Variants in SAMD13 observed in about 807,000 individuals in gnomAD.
SAMD13 encodes sterile alpha motif domain containing 13.
SAMD13 carries 9 observed loss-of-function variants against 12.4 expected under a neutral mutation model. The observed-to-expected ratio is 0.72, with a 90% CI of 0.44 to 1.26. The LOEUF (loss-of-function observed/expected upper bound fraction) is 1.26, where lower values mean the gene tolerates loss of function less well. Among genes scored for constraint, SAMD13 ranks in the 50% most tolerant of loss-of-function variants. The pLI is 0.00. For missense variants in SAMD13, 84 were observed against 119.6 expected (o/e 0.70, Z 1.39); for synonymous variants, 46 against 45.4 (o/e 1.01, Z -0.05).
At chr1:84,299,705 G>A (rs1678406074), upstream of SAMD13, 3 of 847,376 alleles carry the variant, frequency 3.5e-6, no homozygotes, top group Non-Finnish European at 4.6e-6. Context: ...ATATTCACAA[G>A]TGTCAGTTTA....
intron 3 of SAMD13, among the ~76,000 whole-genome samples, chr1:84,346,741 T>C (rs375533689): frequency 1.3e-5 from 2 of 152,338 alleles, no homozygotes; most frequent in African/African-American, 4.8e-5. Flanking sequence ...GGACGTTATG[T>C]ATCAAATTAT....
chr1:84,341,454 C>A (rs1308119303), intron 3 of SAMD13, among the ~76,000 whole-genome samples: 2 of 152,104 alleles, frequency 1.3e-5, no homozygotes, highest in African/African-American at 2.4e-5. Flanking sequence ...TGGTACACTG[C>A]AAATGTGATG....
chr1:84,348,438 G>A (rs1679579305), intron 3 of SAMD13, among the ~76,000 whole-genome samples: 1 of 152,190 alleles, frequency 6.6e-6, no homozygotes, highest in Admixed American at 6.5e-5. Context: ...CTGTCGGTCA[G>A]TGGAGGAGGT....
At chr1:84,346,318 C>T (rs2101822397) in intron 3 of SAMD13, among the ~76,000 whole-genome samples, 1 of 152,268 alleles carries the variant, frequency 6.6e-6, no homozygotes, top group Admixed American at 6.5e-5. Context: ...CATCTCGGAA[C>T]TTTACTTCCA....
At chr1:84,344,645 C>T in intron 3 of SAMD13, 1 of 304,406 alleles carries the variant, frequency 3.3e-6, no homozygotes, top group Non-Finnish European at 6.4e-6. Flanking sequence ...AAAATAAACC[C>T]TGTCTTGGTG....
chr1:84,338,872 C>T (rs114806605), intron 3 of SAMD13, among the ~76,000 whole-genome samples: 6 of 152,166 alleles, frequency 3.9e-5, no homozygotes, highest in Non-Finnish European at 8.8e-5. Flanking sequence ...GAATTCAAGA[C>T]GAGATCTGGG....
upstream of SAMD13, among the ~76,000 whole-genome samples, chr1:84,298,826 G>A (rs904397482): frequency 2.6e-5 from 4 of 152,176 alleles, no homozygotes; most frequent in Admixed American, 2.6e-4. Flanking sequence ...TGCTCGGGGA[G>A]CGGGACGGGG....
intron 3 of SAMD13, among the ~76,000 whole-genome samples, chr1:84,332,157 C>T (rs1283801241): frequency 6.6e-6 from 1 of 152,092 alleles, no homozygotes; most frequent in Non-Finnish European, 1.5e-5. Flanking sequence ...AGGTTGATTT[C>T]ATATCTTTCC....
intron 2 of SAMD13, among the ~76,000 whole-genome samples, chr1:84,313,343 T>A (rs1678756433): frequency 6.6e-6 from 1 of 152,156 alleles, no homozygotes; most frequent in Non-Finnish European, 1.5e-5. Context: ...TAAACTTTGG[T>A]ACGTGACACA....
intron 3 of SAMD13, among the ~76,000 whole-genome samples, chr1:84,342,610 G>C (rs1293192068): frequency 6.6e-6 from 1 of 152,140 alleles, no homozygotes; most frequent in Non-Finnish European, 1.5e-5. Context: ...ATGGGGAAAA[G>C]ATTCTCTATT....
intron 3 of SAMD13, among the ~76,000 whole-genome samples, chr1:84,329,103 C>A (rs1426814706): frequency 6.6e-6 from 1 of 151,976 alleles, no homozygotes; most frequent in Non-Finnish European, 1.5e-5. Flanking sequence ...TAGATGAGGT[C>A]ATGAGGATGG....
At chr1:84,344,903 G>A (rs1001731708) in intron 3 of SAMD13, 2 of 456,556 alleles carry the variant, frequency 4.4e-6, no homozygotes, top group African/African-American at 4.0e-5. Flanking sequence ...GAACCAAAAG[G>A]GAAACAGAGG....
chr1:84,305,522 T>C (rs1217584804), intron 2 of SAMD13, among the ~76,000 whole-genome samples: 1 of 152,154 alleles, frequency 6.6e-6, no homozygotes, highest in Non-Finnish European at 1.5e-5. Flanking sequence ...AGTTTATCAA[T>C]TTTTTTCTTT....
At chr1:84,331,340 A>AT (rs1679178317) in intron 3 of SAMD13, among the ~76,000 whole-genome samples, 1 of 54,922 alleles carries the variant, frequency 1.8e-5, no homozygotes, top group Non-Finnish European at 4.9e-5. Context: ...AAAAAAAAAA[A>AT]AAAAAAAAAA....
At chr1:84,330,206 A>G (rs1344624246) in intron 3 of SAMD13, among the ~76,000 whole-genome samples, 2 of 152,206 alleles carry the variant, frequency 1.3e-5, no homozygotes, top group African/African-American at 2.4e-5. Flanking sequence ...AGATTTCTAT[A>G]AAGTTAATAC....
At chr1:84,347,947 A>T (rs967756502) in intron 3 of SAMD13, among the ~76,000 whole-genome samples, 1 of 152,220 alleles carries the variant, frequency 6.6e-6, no homozygotes. Context: ...TTAATGTTAT[A>T]GTCTCTCACA....
chr1:84,340,870 A>G (rs1237400474), intron 3 of SAMD13, among the ~76,000 whole-genome samples: 2 of 152,236 alleles, frequency 1.3e-5, no homozygotes, highest in African/African-American at 2.4e-5. Flanking sequence ...GAAGGAGAGT[A>G]GTATTTGAAT....
chr1:84,298,594 G>T (rs545718792), upstream of SAMD13: 1 of 1,283,004 alleles, frequency 7.8e-7, no homozygotes, highest in Non-Finnish European at 9.9e-7. Flanking sequence ...TGCGCCCAGG[G>T]CGTGGGAAGG....
chr1:84,340,612 CATAAT>C (rs1679402884), intron 3 of SAMD13, among the ~76,000 whole-genome samples: 1 of 152,024 alleles, frequency 6.6e-6, no homozygotes, highest in Non-Finnish European at 1.5e-5. Context: ...TAATGCCAGC[CATAAT>C]ATATGTCATG....
Sources: allele counts gnomAD v4.1 joint callset (sites outside exome capture counted in the v4.1 genomes callset), GRCh38; gene constraint gnomAD v4.1.1; transcripts MANE v1.5; gene names NCBI Gene and HGNC (gene_info 2026-07-23, HGNC 2026-07-21).